The following TBC1D1 variants were observed in gnomAD, a reference collection of about 807,000 sequenced individuals.
The protein encoded by TBC1D1 is TBC1 domain family member 1, also known as TBC1 (tre-2/USP6, BUB2, cdc16) domain family, member 1.
Under a neutral mutation model 125.6 loss-of-function variants are expected in TBC1D1, and 89 were observed. The observed-to-expected ratio is 0.71, with a 90% CI of 0.60 to 0.85. The LOEUF (loss-of-function observed/expected upper bound fraction) is 0.85, where lower values mean the gene tolerates loss of function less well. Ranked by LOEUF, TBC1D1 falls within the 40% of genes least tolerant of loss-of-function variation. TBC1D1 has a pLI of 0.00. For missense variants in TBC1D1, 1,377 were observed against 1,469.2 expected (o/e 0.94, Z 1.03); for synonymous variants, 565 against 564.1 (o/e 1.00, Z -0.02).
intron 12 of TBC1D1, among the ~76,000 whole-genome samples, chr4:38,076,968 G>A (rs574227059): frequency 6.6e-6 from 1 of 152,250 alleles, no homozygotes; most frequent in Admixed American, 6.5e-5. Flanking sequence ...CCACAGTGGA[G>A]CTCATACCTT....
intron 1 of TBC1D1, among the ~76,000 whole-genome samples, chr4:37,893,918 T>G (rs1364706871): frequency 6.6e-6 from 1 of 152,138 alleles, no homozygotes; most frequent in Non-Finnish European, 1.5e-5. Context: ...CAACACCACA[T>G]TCCAATAAAA....
intron 1 of TBC1D1, among the ~76,000 whole-genome samples, chr4:37,895,071 C>A (rs1220996115): frequency 6.6e-6 from 1 of 152,198 alleles, no homozygotes; most frequent in Non-Finnish European, 1.5e-5. Flanking sequence ...TGGTTAAGAG[C>A]AAGCAAACTC....
At chr4:38,036,634 G>C (rs756668819) in intron 8 of TBC1D1, among the ~76,000 whole-genome samples, 3 of 152,046 alleles carry the variant, frequency 2.0e-5, no homozygotes, top group Admixed American at 6.6e-5. Context: ...GTTTTCATGG[G>C]GTGTACACTT....
chr4:37,981,475 T>C, intron 2 of TBC1D1, among the ~76,000 whole-genome samples: 1 of 152,120 alleles, frequency 6.6e-6, no homozygotes, highest in East Asian at 1.9e-4. Flanking sequence ...CCTGTTTTCA[T>C]GGAATTCTAG....
chr4:38,046,680 C>T (rs565723756), intron 10 of TBC1D1, among the ~76,000 whole-genome samples: 25 of 152,270 alleles, frequency 1.6e-4, no homozygotes, highest in African/African-American at 6.0e-4. Context: ...GAAACTTTAT[C>T]CTGTAGCTGG....
At chr4:37,928,458 G>GTT (rs35078309) in intron 2 of TBC1D1, among the ~76,000 whole-genome samples, 31 of 151,526 alleles carry the variant, frequency 2.0e-4, no homozygotes, top group Middle Eastern at 3.4e-3. Context: ...AGAAGCTTAG[G>GTT]TTTTTTTTTG....
At chr4:38,026,341 G>A (rs1186748941) in intron 6 of TBC1D1, among the ~76,000 whole-genome samples, 1 of 152,228 alleles carries the variant, frequency 6.6e-6, no homozygotes, top group African/African-American at 2.4e-5. Flanking sequence ...TGCTGTGGGA[G>A]GGGAGGAGCC....
At chr4:38,056,469 CTTATTCTATCTTGTCCT>C (rs1398884589) in intron 12 of TBC1D1, among the ~76,000 whole-genome samples, 1 of 152,188 alleles carries the variant, frequency 6.6e-6, no homozygotes, top group Non-Finnish European at 1.5e-5. Context: ...ATTCTTGGCT[CTTATTCTATCTTGTCCT>C]TTGGGATATG....
intron 1 of TBC1D1, among the ~76,000 whole-genome samples, chr4:37,898,679 A>T (rs1399781952): frequency 1.3e-5 from 2 of 152,134 alleles, no homozygotes; most frequent in African/African-American, 4.8e-5. Flanking sequence ...CTGTCTGGCT[A>T]CTGTGACTGC....
intron 1 of TBC1D1, among the ~76,000 whole-genome samples, chr4:37,898,048 A>G (rs548210729): frequency 6.6e-6 from 1 of 152,208 alleles, no homozygotes; most frequent in Non-Finnish European, 1.5e-5. Context: ...GCTATGAGTT[A>G]TGTTCAAATT....
intron 2 of TBC1D1, among the ~76,000 whole-genome samples, chr4:37,940,617 TG>T (rs1452186173): frequency 1.3e-5 from 2 of 152,236 alleles, no homozygotes; most frequent in Non-Finnish European, 2.9e-5. Flanking sequence ...TCAAAGGGAA[TG>T]CTTCCAGTTT....
chr4:38,124,655 A>C (rs1442727679), intron 17 of TBC1D1, among the ~76,000 whole-genome samples: 1 of 152,176 alleles, frequency 6.6e-6, no homozygotes, highest in Non-Finnish European at 1.5e-5. Context: ...ATCTCCTTTA[A>C]AACCCAGGAG....
At chr4:38,126,256 A>G (rs1764637428) in intron 18 of TBC1D1, among the ~76,000 whole-genome samples, 1 of 152,246 alleles carries the variant, frequency 6.6e-6, no homozygotes, top group Admixed American at 6.5e-5. Flanking sequence ...TGGGACCACC[A>G]TCATATATGC....
intron 1 of TBC1D1, among the ~76,000 whole-genome samples, chr4:37,898,107 A>G (rs1715037298): frequency 6.6e-6 from 1 of 152,258 alleles, no homozygotes; most frequent in East Asian, 1.9e-4. Flanking sequence ...TTATACAGAA[A>G]AACACAGAGT....
chr4:37,920,533 G>A (rs575267146), intron 2 of TBC1D1, among the ~76,000 whole-genome samples: 9 of 152,190 alleles, frequency 5.9e-5, no homozygotes, highest in African/African-American at 1.2e-4. Flanking sequence ...ACTTGGAGGC[G>A]AGGGGCCGAT....
chr4:38,110,725 C>G (rs1762064362), intron 15 of TBC1D1: 1 of 985,316 alleles, frequency 1.0e-6, no homozygotes, highest in African/African-American at 1.7e-5. Context: ...CTGCACTTCT[C>G]TGCTTTGTGG....
At chr4:38,047,509 A>G (rs1397456008) in intron 10 of TBC1D1, among the ~76,000 whole-genome samples, 3 of 151,998 alleles carry the variant, frequency 2.0e-5, no homozygotes, top group African/African-American at 7.3e-5. Context: ...TCTAATACAC[A>G]CTGATCCCAC....
intron 2 of TBC1D1, among the ~76,000 whole-genome samples, chr4:37,925,118 A>G (rs1431709427): frequency 6.6e-6 from 1 of 152,340 alleles, no homozygotes; most frequent in South Asian, 2.1e-4. Context: ...TGCAGCATAC[A>G]CTGTCTGCCA....
At chr4:38,118,358 A>G in intron 17 of TBC1D1, 166 bp downstream of exon 19, 1 of 732,662 alleles carries the variant, frequency 1.4e-6, no homozygotes, top group Non-Finnish European at 2.2e-6. Flanking sequence ...GTGACTTTGG[A>G]GTCCTCCTTA....
Sources: allele counts gnomAD v4.1 joint callset (sites outside exome capture counted in the v4.1 genomes callset), GRCh38; gene constraint gnomAD v4.1.1; transcripts MANE v1.5; gene names NCBI Gene and HGNC (gene_info 2026-07-23, HGNC 2026-07-21).